Variants in CSMD1 observed in about 807,000 individuals in gnomAD.
CSMD1 encodes the protein CUB and Sushi multiple domains 1.
CSMD1 carries 213 observed loss-of-function variants against 417.5 expected under a neutral mutation model. The ratio of observed to expected loss-of-function variants is 0.51; its 90% CI spans 0.46 to 0.57. The LOEUF is 0.57. Ranked by LOEUF, CSMD1 falls within the 20% of genes least tolerant of loss-of-function variation. The pLI, the probability that CSMD1 is intolerant of heterozygous loss-of-function variation, is 0.00. For missense variants in CSMD1, 6,923 were observed against 4,529.7 expected (o/e 1.53, Z -15.17); for synonymous variants, 2,862 against 1,736.8 (o/e 1.65, Z -16.11).
chr8:3,963,860 A>C (rs760188746), intron 5 of CSMD1, among the ~76,000 whole-genome samples: 7 of 152,216 alleles, frequency 4.6e-5, no homozygotes, highest in Non-Finnish European at 8.8e-5. Flanking sequence ...CAGTTTAAGA[A>C]ATGAAGGTAT....
chr8:4,175,525 C>T (rs563447919), intron 3 of CSMD1, among the ~76,000 whole-genome samples: 17 of 151,324 alleles, frequency 1.1e-4, no homozygotes, highest in Non-Finnish European at 2.2e-4. Context: ...GATAGAAGCC[C>T]AATGGATAAA....
chr8:4,224,364 G>T (rs568522973), intron 3 of CSMD1, among the ~76,000 whole-genome samples: 3 of 152,090 alleles, frequency 2.0e-5, no homozygotes. Flanking sequence ...ACGATGTTGC[G>T]CAACAGCACA....
chr8:4,247,159 G>A (rs916096338), intron 3 of CSMD1, among the ~76,000 whole-genome samples: 4 of 152,130 alleles, frequency 2.6e-5, no homozygotes, highest in Admixed American at 6.6e-5. Flanking sequence ...TTTCTTTTCC[G>A]CATCTTTTTT....
At chr8:4,574,619 A>G (rs1799048825) in intron 2 of CSMD1, among the ~76,000 whole-genome samples, 1 of 152,222 alleles carries the variant, frequency 6.6e-6, no homozygotes, top group Non-Finnish European at 1.5e-5. Flanking sequence ...TTATGTGTCC[A>G]TGAATACATT....
intron 3 of CSMD1, among the ~76,000 whole-genome samples, chr8:4,278,875 T>G (rs776617591): frequency 8.5e-5 from 13 of 152,192 alleles, no homozygotes; most frequent in Non-Finnish European, 1.3e-4. Flanking sequence ...AGTATGTATG[T>G]AATAAAGGGA....
chr8:4,635,817 C>G (rs1159057884), intron 2 of CSMD1, among the ~76,000 whole-genome samples: 3 of 151,882 alleles, frequency 2.0e-5, no homozygotes, highest in Non-Finnish European at 4.4e-5. Context: ...CAAATACTAA[C>G]ACATAAGACC....
chr8:4,385,521 G>A (rs971217452), intron 3 of CSMD1, among the ~76,000 whole-genome samples: 4 of 152,098 alleles, frequency 2.6e-5, no homozygotes, highest in Non-Finnish European at 5.9e-5. Flanking sequence ...GTAGTCTTAA[G>A]AATATTAATC....
At chr8:3,511,996 C>A (rs1797094535) in intron 10 of CSMD1, among the ~76,000 whole-genome samples, 1 of 151,882 alleles carries the variant, frequency 6.6e-6, no homozygotes, top group African/African-American at 2.4e-5. Flanking sequence ...CATGAGTTTA[C>A]AACGTTTCAT....
intron 3 of CSMD1, among the ~76,000 whole-genome samples, chr8:4,317,475 G>T (rs1027102954): frequency 3.9e-5 from 6 of 152,238 alleles, no homozygotes; most frequent in Non-Finnish European, 5.9e-5. Flanking sequence ...CCAGTGTAAG[G>T]CATGTACATG....
chr8:4,888,715 C>T (rs1314625740), intron 1 of CSMD1, among the ~76,000 whole-genome samples: 4 of 151,956 alleles, frequency 2.6e-5, no homozygotes, highest in South Asian at 2.1e-4. Context: ...ATGGCCGGTG[C>T]AGGGAAAGTG....
chr8:3,976,839 C>A (rs1475434363), intron 5 of CSMD1, among the ~76,000 whole-genome samples: 2 of 152,098 alleles, frequency 1.3e-5, no homozygotes, highest in Non-Finnish European at 2.9e-5. Context: ...AACCACTGCA[C>A]TGACCTCAAC....
chr8:3,129,167 A>T (rs1817662873), intron 41 of CSMD1, among the ~76,000 whole-genome samples: 1 of 152,216 alleles, frequency 6.6e-6, no homozygotes, highest in African/African-American at 2.4e-5. Flanking sequence ...GTGGGAATGC[A>T]GGACAAATAT....
At chr8:4,594,251 T>C (rs1800143542) in intron 2 of CSMD1, among the ~76,000 whole-genome samples, 2 of 147,178 alleles carry the variant, frequency 1.4e-5, no homozygotes, top group African/African-American at 5.1e-5. Context: ...TTACCCAGGC[T>C]GGAGTGCAGT....
At chr8:3,949,064 G>T (rs538298734) in intron 5 of CSMD1, among the ~76,000 whole-genome samples, 4 of 152,104 alleles carry the variant, frequency 2.6e-5, no homozygotes, top group African/African-American at 9.6e-5. Flanking sequence ...GTTTTTAAAA[G>T]CTATTTTTAA....
chr8:3,325,649 C>A (rs986189684), intron 23 of CSMD1, among the ~76,000 whole-genome samples: 2 of 152,150 alleles, frequency 1.3e-5, no homozygotes, highest in Non-Finnish European at 2.9e-5. Flanking sequence ...CGTGGTGAAA[C>A]CCCGTCTCTA....
chr8:2,988,806 CAG>C (rs1806143926), intron 54 of CSMD1, among the ~76,000 whole-genome samples: 1 of 152,084 alleles, frequency 6.6e-6, no homozygotes, highest in Non-Finnish European at 1.5e-5. Flanking sequence ...ACAAGCACTG[CAG>C]GGCTGGATAG....
intron 1 of CSMD1, among the ~76,000 whole-genome samples, chr8:4,777,078 T>C (rs1199878096): frequency 6.6e-6 from 1 of 152,184 alleles, no homozygotes; most frequent in Non-Finnish European, 1.5e-5. Flanking sequence ...GAAAACATTT[T>C]ATTTAGATCA....
At chr8:3,256,276 G>T (rs531124888) in intron 26 of CSMD1, among the ~76,000 whole-genome samples, 12 of 137,218 alleles carry the variant, frequency 8.7e-5, no homozygotes, top group Non-Finnish European at 1.5e-4. Flanking sequence ...TCAGTGGGCT[G>T]ATATTGTTTG....
chr8:2,981,264 CTG>C (rs1805394603), intron 54 of CSMD1, among the ~76,000 whole-genome samples: 1 of 152,224 alleles, frequency 6.6e-6, no homozygotes, highest in Non-Finnish European at 1.5e-5. Flanking sequence ...CCTTTCCCAT[CTG>C]TATTTGTTTT....
Sources: gnomAD v4.1 joint callset for allele counts (sites outside exome capture counted in the v4.1 genomes callset) on GRCh38, gnomAD v4.1.1 for gene constraint, MANE v1.5 for transcripts, NCBI Gene and HGNC (gene_info 2026-07-23, HGNC 2026-07-21) for gene names.